The following ABHD2 variants were observed in gnomAD, a reference collection of about 807,000 sequenced individuals.
The protein encoded by ABHD2 is monoacylglycerol lipase ABHD2.
In ABHD2, 20 loss-of-function variants were observed where a neutral mutation model predicts 48.1. That is an observed-to-expected ratio of 0.42 (90% CI 0.29 to 0.60). The LOEUF (loss-of-function observed/expected upper bound fraction) is 0.60. Ranked by LOEUF, ABHD2 falls within the 20% of genes least tolerant of loss-of-function variation. The probability of loss-of-function intolerance (pLI) is 0.24; values close to 1 mark genes in which losing one functional copy is unlikely to be tolerated. For missense variants in ABHD2, 405 were observed against 550.9 expected (o/e 0.74, Z 2.65); for synonymous variants, 209 against 214.2 (o/e 0.98, Z 0.21).
chr15:89,150,236 A>G (rs2050569246), intron 3 of ABHD2, among the ~76,000 whole-genome samples: 1 of 152,190 alleles, frequency 6.6e-6, no homozygotes, highest in South Asian at 2.1e-4. Context: ...TTCCTCCAGG[A>G]GTGATCAAAA....
chr15:89,046,313 G>T, the ABHD2 span, among the ~76,000 whole-genome samples: 1 of 152,142 alleles, frequency 6.6e-6, no homozygotes, highest in Non-Finnish European at 1.5e-5. Context: ...ATTTTACTGA[G>T]GATTTTTGCA....
chr15:89,130,649 C>T (rs1052413798), intron 3 of ABHD2, among the ~76,000 whole-genome samples: 1 of 152,194 alleles, frequency 6.6e-6, no homozygotes, highest in African/African-American at 2.4e-5. Flanking sequence ...AGCTTGAGAG[C>T]TTGTCCAGCC....
the ABHD2 span, among the ~76,000 whole-genome samples, chr15:89,062,396 G>A: frequency 6.6e-6 from 1 of 151,848 alleles, no homozygotes; most frequent in Non-Finnish European, 1.5e-5. Flanking sequence ...TTTTGTTTTT[G>A]TTTTTTGAGA....
rs944674033 is a variant in ABHD2 at position 89,116,116 on chromosome 15, A to T, written c.-6-206A>T. Among the ~76,000 whole-genome samples the T allele has an allele frequency of 1.1e-4, 16 of 152,194 alleles. No homozygotes were observed. Among genetic ancestry groups the T allele is most frequent in the African/African-American group, 3.9e-4 (16 of 41,446 alleles). ...CACAGTACCCAGTTTATCCATGCTC[A>T]GACTGTTTGTGATTTGGATTATGGC... On this transcript the variant is annotated intron_variant, in intron 2 of 10. Transcript: ENST00000352732. This position sits in a 1 kb window ranked among gnomAD's most constrained non-coding sequence, Gnocchi z 4.6.
the ABHD2 span, among the ~76,000 whole-genome samples, chr15:89,073,020 T>C: frequency 1.3e-5 from 2 of 152,268 alleles, no homozygotes; most frequent in Non-Finnish European, 2.9e-5. Flanking sequence ...ATTTGAGACA[T>C]ACTTATACTA....
rs1012808279 is a variant in ABHD2, at chr15:89,176,679, T to C, written c.722+684T>C. On this transcript the variant is annotated intron_variant, in intron 6 of 10. Coordinates refer to ENST00000352732, the MANE Select transcript of ABHD2 (RefSeq NM_152924.5). This position sits in a 1 kb window ranked among gnomAD's most constrained non-coding sequence, Gnocchi z 4.5. ...CCACACTCACACGTTCACACACACA[T>C]GCACACACTCACACTATACACACAC... Among the ~76,000 whole-genome samples the C allele has an allele frequency of 6.6e-6, 1 of 152,056 alleles. No homozygotes were observed. The highest frequency in any genetic ancestry group is 2.1e-4 in the South Asian group (1 of 4,832).
At chr15:89,171,908 A>G (rs1230367595) in intron 5 of ABHD2, among the ~76,000 whole-genome samples, 1 of 152,184 alleles carries the variant, frequency 6.6e-6, no homozygotes, top group African/African-American at 2.4e-5. Flanking sequence ...GGGAGGCCCC[A>G]GGCATTAGTA....
the ABHD2 span, among the ~76,000 whole-genome samples, chr15:89,051,786 T>G: frequency 6.6e-6 from 1 of 152,208 alleles, no homozygotes; most frequent in Non-Finnish European, 1.5e-5. Flanking sequence ...CATCTGGAAC[T>G]GTGAGTCAAT....
chr15:89,094,389 A>T lies in ABHD2; in HGVS notation c.-107+5826A>T, dbSNP rs1299824753. 6.6e-6 allele frequency: 1 copy of T among 152,208 alleles called. No individual in the cohort carries two copies. The highest frequency in any genetic ancestry group is 1.5e-5 in the Non-Finnish European group (1 of 68,038). 9.4% of individuals were successfully genotyped at this position (152,208 alleles called of 1,614,324 possible). A position where few individuals can be genotyped will look rare whatever the true frequency, so the allele number is the denominator to read the frequency against. ...ACAAAAATCAGGAAGCCCAACATGG[A>T]TTGCTACATTTTAATTCTTTCAAAT... On this transcript the variant is annotated intron_variant, in intron 1 of 10. Transcript: ENST00000352732. This position sits in a 1 kb window ranked among gnomAD's most constrained non-coding sequence, Gnocchi z 4.7.
intron 1 of ABHD2, among the ~76,000 whole-genome samples, chr15:89,110,738 G>T (rs2049860766): frequency 6.6e-6 from 1 of 152,114 alleles, no homozygotes; most frequent in African/African-American, 2.4e-5. Context: ...TGTGTAGTTG[G>T]ACCACAATAA....
chr15:89,169,691 C>T (rs1047123731), intron 5 of ABHD2, among the ~76,000 whole-genome samples: 2 of 152,204 alleles, frequency 1.3e-5, no homozygotes, highest in Admixed American at 6.5e-5. Flanking sequence ...ATTGCTCCAG[C>T]ATGAGTGATA....
chr15:89,173,681 T>A lies in ABHD2; in HGVS notation c.539-2131T>A, dbSNP rs1245639934. Among the ~76,000 whole-genome samples, 2 of 152,196 alleles carry A rather than the reference T, an allele frequency of 1.3e-5. No homozygotes were observed. Among genetic ancestry groups the A allele is most frequent in the African/African-American group, 4.8e-5 (2 of 41,440 alleles). ...AGTTCAAGGATCCTTCTGGACCAGG[T>A]TTTTGTTCCTTCCCTGTCCTCAGGG... On this transcript the variant is annotated intron_variant, in intron 5 of 10. Transcript: ENST00000352732. This position sits in a 1 kb window ranked among gnomAD's most constrained non-coding sequence, Gnocchi z 6.5.
chr15:89,176,280 G>A lies in ABHD2; in HGVS notation c.722+285G>A, dbSNP rs1011254713. On this transcript the variant is annotated intron_variant, in intron 6 of 10. Transcript: ENST00000352732. This position sits in a 1 kb window ranked among gnomAD's most constrained non-coding sequence, Gnocchi z 4.5. ...CTGTCTCCTAGGGAATCTCTGTCAG[G>A]TGACTTAATTTGTTCAGGCTTCAGG... Among the ~76,000 whole-genome samples, 2 of 152,098 alleles carry A rather than the reference G, an allele frequency of 1.3e-5. No homozygotes were observed. Among genetic ancestry groups the A allele is most frequent in the African/African-American group, 2.4e-5 (1 of 41,400 alleles).
Position 89,158,237 on chromosome 15 carries a change from T to C in ABHD2, c.538+2703T>C, listed in dbSNP as rs78230602. ...AAATTCTGATGAAAAAACTGAGGCA[T>C]AGAGAGGTTAAGTGATTTGGGCAAG... On this transcript the variant is annotated intron_variant, in intron 5 of 10. Coordinates refer to ENST00000352732, the MANE Select transcript of ABHD2 (RefSeq NM_152924.5). Among the ~76,000 whole-genome samples the C allele has an allele frequency of 4.9e-3, 753 of 152,208 alleles. 7 individuals carry two copies. The highest frequency in any genetic ancestry group is 0.017 in the African/African-American group (711 of 41,524).
chr15:89,125,208 A>T (rs529372809), intron 3 of ABHD2, among the ~76,000 whole-genome samples: 9 of 152,022 alleles, frequency 5.9e-5, no homozygotes, highest in Admixed American at 2.6e-4. Context: ...GTGAGCCGAC[A>T]TTGCGCCACT....
the ABHD2 span, among the ~76,000 whole-genome samples, chr15:89,041,783 G>A: frequency 6.6e-6 from 1 of 152,192 alleles, no homozygotes; most frequent in African/African-American, 2.4e-5. Flanking sequence ...CATCAGCAGG[G>A]CCCACGGCAC....
intron 3 of ABHD2, among the ~76,000 whole-genome samples, chr15:89,129,623 G>A (rs777249794): frequency 6.6e-6 from 1 of 152,044 alleles, no homozygotes. Context: ...TGAAGTTAGC[G>A]AGCTGTTGCC....
chr15:89,193,027 C>T (rs2051332885), intron 9 of ABHD2, among the ~76,000 whole-genome samples: 1 of 152,246 alleles, frequency 6.6e-6, no homozygotes, highest in Non-Finnish European at 1.5e-5. Flanking sequence ...CACACTCCTG[C>T]TTTCAGGGCA....
Position 89,184,235 on chromosome 15 carries a change from CTG to C in ABHD2, c.723-1186_723-1185del, listed in dbSNP as rs1470914107. ...GTGGGAAATGTTTGTCACTCCAAAA[CTG>C]TGGAATTTTGCCATTCTAAAATTGT... On this transcript the variant is annotated intron_variant, in intron 6 of 10. Coordinates refer to ENST00000352732, the MANE Select transcript of ABHD2 (RefSeq NM_152924.5). This position sits in a 1 kb window ranked among gnomAD's most constrained non-coding sequence, Gnocchi z 5.1. 6.6e-6 allele frequency among the ~76,000 whole-genome samples: 1 copy of C among 152,142 alleles called. No homozygotes were observed. The highest frequency in any genetic ancestry group is 1.9e-4 in the East Asian group (1 of 5,198).
Sources: gnomAD v4.1 joint callset for allele counts (sites outside exome capture counted in the v4.1 genomes callset) on GRCh38, gnomAD v4.1.1 for gene constraint, Gnocchi (gnomAD v3.1) non-coding constraint, MANE v1.5 for transcripts, NCBI Gene and HGNC (gene_info 2026-07-23, HGNC 2026-07-21) for gene names.